The following COL3A1 variants were observed in gnomAD, a reference collection of about 807,000 sequenced individuals.
COL3A1 encodes the protein collagen type III alpha 1 chain, also known as collagen alpha-1(III) chain.
In COL3A1, 46 loss-of-function variants were observed where a neutral mutation model predicts 200.9. The ratio of observed to expected loss-of-function variants is 0.23; its 90% CI spans 0.18 to 0.29. COL3A1 has a LOEUF of 0.29. Ranked by LOEUF, COL3A1 falls within the 10% of genes least tolerant of loss-of-function variation. The pLI, the probability that COL3A1 is intolerant of heterozygous loss-of-function variation, is 1.00. For synonymous variants in COL3A1, 650 were observed against 628.0 expected (o/e 1.03, Z -0.52); for missense variants, 1,367 against 1,917.6 (o/e 0.71, Z 5.36).
In COL3A1 at chr2:189,008,201, AAC is replaced by A. The variant is rs140673958; in HGVS notation, c.3525+63_3525+64del. ...TTGCTACAATCTTCCAATTTTCAGA[AAC>A]ACAGCGCATTATGTTTAAATTGAAA... On this transcript the variant is annotated intron_variant, in intron 47 of 50. Transcript: ENST00000304636. 9.0e-4 allele frequency: 1,248 copies of A among 1,390,522 alleles called. 10 individuals carry two copies. The African/African-American group carries it at 0.015, about 17-fold the overall frequency. 86.1% of individuals were successfully genotyped at this position (1,390,522 alleles called of 1,614,324 possible). A position where few individuals can be genotyped will look rare whatever the true frequency, so the allele number is the denominator to read the frequency against.
At chr2:188,992,026 G>T (rs1688200777) in intron 13 of COL3A1, among the ~76,000 whole-genome samples, 158 bp from the exon 14 acceptor site, 1 of 152,062 alleles carries the variant, frequency 6.6e-6, no homozygotes, top group African/African-American at 2.4e-5. Context: ...GTATATATCA[G>T]AATTGTAATA....
rs1479463446 is a variant in COL3A1, at chr2:188,994,314, T to C, written c.1275T>C (p.Pro425=). 2 of 1,613,662 alleles carry C rather than the reference T, an allele frequency of 1.2e-6. No homozygotes were observed. The highest frequency in any genetic ancestry group is 1.7e-5 in the Admixed American group (1 of 60,008). ...GACCAGCCGGTGCTAATGGTGCTCC[T>C]GGACTGCGAGGTGGTGCAGTAAGTT... ...PPGPAGANGA[P]GLRGGAGEPG... is the part of the protein sequence containing the mutation. The change falls in exon 18 of 51, where the codon CCT becomes CCC. Residue 425 remains proline (P), a synonymous_variant. Transcript: ENST00000304636. The surrounding 1 kb of genome is among the most constrained non-coding windows in gnomAD (Gnocchi z 4.5).
intron 4 of COL3A1, 123 bp from the exon 5 acceptor site, chr2:188,986,936 C>A: frequency 1.3e-6 from 1 of 795,594 alleles, no homozygotes; most frequent in Non-Finnish European, 2.2e-6. Flanking sequence ...ATACATACCA[C>A]ATCTTTTGGC....
Position 189,011,849 on chromosome 2 carries a change from C to A in COL3A1, c.*75C>A. 6.5e-7 allele frequency: 1 copy of A among 1,531,728 alleles called. No individual in the cohort carries two copies. Among genetic ancestry groups the A allele is most frequent in the Non-Finnish European group, 9.0e-7 (1 of 1,107,054 alleles). The allele number at this position is 1,531,728 out of a possible 1,614,324, so 94.9% of individuals were successfully genotyped here. A position where few individuals can be genotyped will look rare whatever the true frequency, so the allele number is the denominator to read the frequency against. On this transcript the variant is annotated 3_prime_UTR_variant, in exon 51 of 51. Coordinates refer to ENST00000304636, the MANE Select transcript of COL3A1 (RefSeq NM_000090.4). ...TTCCTCTTGTTCTAATCTTGTCAAC[C>A]AGTGCAAGTGACCGACAAAATTCCA...
At chr2:189,006,828 C>A in intron 43 of COL3A1, 109 bp from the exon 44 acceptor site, 2 of 1,087,802 alleles carry the variant, frequency 1.8e-6, no homozygotes, top group East Asian at 2.5e-5. Flanking sequence ...TAATTGCATG[C>A]ATACTATAAT....
intron 1 of COL3A1, among the ~76,000 whole-genome samples, chr2:188,981,236 A>G (rs1687946638): frequency 6.6e-6 from 1 of 151,574 alleles, no homozygotes; most frequent in Non-Finnish European, 1.5e-5. Flanking sequence ...CTAAAATTCC[A>G]AAATAGAAAA....
Position 189,009,027 on chromosome 2 carries a change from G to A in COL3A1, c.3629G>A (p.Gly1210Asp), listed in dbSNP as rs749543804. The change falls in exon 48 of 51, where the codon GGT becomes GAT. Residue 1210 changes from glycine to aspartate, a missense_variant. Gly to Asp is a moderately conservative substitution (Grantham distance 94, BLOSUM62 -1). This residue lies in a region of COL3A1 where 846 missense variants were observed against 1,147.9 expected (regional missense o/e 0.74). Transcript: ENST00000304636. ...VGAAAIAGIG[G>D]EKAGGFAPYY... Reference sequence around the variant, plus strand: ...GCCGCTGCCATTGCTGGGATTGGAGGTGAAAAAGCTGGCGGTTTTGCCCCG... The same window carrying A: ...GCCGCTGCCATTGCTGGGATTGGAGATGAAAAAGCTGGCGGTTTTGCCCCG... The A allele has an allele frequency of 6.2e-6, 10 of 1,614,094 alleles. No homozygotes were observed. The highest frequency in any genetic ancestry group is 5.0e-5 in the Admixed American group (3 of 60,002).
rs576166457 is a variant in COL3A1 at position 189,007,504 on chromosome 2, C to T, written c.3260C>T (p.Pro1087Leu). 1.2e-6 allele frequency: 2 copies of T among 1,612,574 alleles called. No individual in the cohort carries two copies. The highest frequency in any genetic ancestry group is 1.7e-5 in the Admixed American group (1 of 59,862). ...GPAGSRGAPG[P>L]QGPRGDKGET... is the part of the protein sequence containing the mutation. The stretch of plus-strand genomic sequence containing the variant: ...ATTCAAAATATGTTTCTAAAGGGTC[C>T]TCAAGGCCCACGTGGTGACAAAGGT... The change falls in exon 45 of 51, where the codon CCT becomes CTT. Residue 1087 changes from proline to leucine, a missense_variant. By Grantham distance (98) the Pro-to-Leu change is moderately conservative. Coordinates refer to ENST00000304636, the MANE Select transcript of COL3A1 (RefSeq NM_000090.4).
chr2:188,982,911 A>T (rs1687984431), intron 1 of COL3A1, among the ~76,000 whole-genome samples: 1 of 151,930 alleles, frequency 6.6e-6, no homozygotes, highest in Non-Finnish European at 1.5e-5. Flanking sequence ...TTAAATATGA[A>T]ACGCCAGTTC....
At chr2:189,008,747 G>C (rs1221585304) in intron 47 of COL3A1, 177 bp from the exon 48 acceptor site, 47 of 653,682 alleles carry the variant, frequency 7.2e-5, no homozygotes, top group Non-Finnish European at 5.3e-6. Context: ...ATGAATTGTA[G>C]TTATTATAAA....
At chr2:189,000,636 G>A (rs929296363) in intron 32 of COL3A1, among the ~76,000 whole-genome samples, 6 of 152,092 alleles carry the variant, frequency 3.9e-5, no homozygotes, top group Admixed American at 3.9e-4. Flanking sequence ...TGTATCACTG[G>A]TGAAATCTGA....
intron 41 of COL3A1, chr2:189,005,719 A>G (rs1224265129): frequency 7.0e-6 from 3 of 426,724 alleles, no homozygotes; most frequent in Non-Finnish European, 1.3e-5. Flanking sequence ...GGAGAACCAC[A>G]ATTGACATGT....
intron 14 of COL3A1, 122 bp from the exon 15 acceptor site, chr2:188,992,765 A>G (rs1576464384): frequency 2.4e-6 from 2 of 818,352 alleles, no homozygotes; most frequent in East Asian, 4.9e-5. Flanking sequence ...TCCATAAAAT[A>G]TGAATATCAT....
At chr2:188,985,038 T>A (rs541389980) in intron 2 of COL3A1, 76 bp downstream of exon 2, 75 of 1,443,462 alleles carry the variant, frequency 5.2e-5, no homozygotes, top group Admixed American at 1.2e-4. Flanking sequence ...CATAGGAGCC[T>A]AAAAGGGAAT....
At chr2:188,995,325 G>A (rs769973248) in intron 21 of COL3A1, among the ~76,000 whole-genome samples, 2 of 152,176 alleles carry the variant, frequency 1.3e-5, no homozygotes, top group East Asian at 1.9e-4. Flanking sequence ...TAATTGGAAA[G>A]CATTTATCTG....
At chr2:189,008,716 G>A in intron 47 of COL3A1, 1 of 615,394 alleles carries the variant, frequency 1.6e-6, no homozygotes, top group African/African-American at 1.8e-5. Flanking sequence ...CTTACATAGT[G>A]GAACAATATC....
At chr2:189,006,514 G>T (rs1453525762) in intron 43 of COL3A1, 62 bp downstream of exon 43, 4 of 1,500,762 alleles carry the variant, frequency 2.7e-6, no homozygotes, top group Non-Finnish European at 3.7e-6. Flanking sequence ...GACATTTGTA[G>T]GTAGAAGGTA....
chr2:188,997,421 A>C, intron 26 of COL3A1, 32 bp downstream of exon 26: 1 of 1,598,934 alleles, frequency 6.3e-7, no homozygotes, highest in South Asian at 1.1e-5. Flanking sequence ...TGGAGATGAA[A>C]ATAGGGTGGA....
chr2:188,997,832 T>C (rs1688364627), intron 27 of COL3A1, 79 bp downstream of exon 27: 2 of 1,264,142 alleles, frequency 1.6e-6, no homozygotes, highest in South Asian at 2.5e-5. Context: ...ATAATTTATC[T>C]GAAGCTTAAC....
Sources: allele counts gnomAD v4.1 joint callset (sites outside exome capture counted in the v4.1 genomes callset), GRCh38; gene constraint gnomAD v4.1.1; regional missense constraint gnomAD v4.1.1; non-coding constraint Gnocchi (gnomAD v3.1); transcripts MANE v1.5; gene names NCBI Gene and HGNC (gene_info 2026-07-23, HGNC 2026-07-21).